The following ASTN2 variants were observed in gnomAD, a reference collection of about 807,000 sequenced individuals.
The protein encoded by ASTN2 is astrotactin 2.
A neutral mutation model predicts 139.8 loss-of-function variants in ASTN2; 54 were observed. The ratio of observed to expected loss-of-function variants is 0.39; its 90% CI spans 0.31 to 0.48. ASTN2 has a LOEUF of 0.48. ASTN2 is among the 20% of genes least tolerant of loss of function. The pLI, the probability that ASTN2 is intolerant of heterozygous loss-of-function variation, is 0.95. For synonymous variants in ASTN2, 756 were observed against 719.5 expected, an observed-to-expected ratio of 1.05 and a Z score of -0.81; for missense variants, 1,565 against 1,725.1, an observed-to-expected ratio of 0.91 and a Z score of 1.64.
intron 3 of ASTN2, among the ~76,000 whole-genome samples, chr9:117,165,653 C>T (rs1830654404): frequency 6.6e-6 from 1 of 152,086 alleles, no homozygotes; most frequent in African/African-American, 2.4e-5. Flanking sequence ...CCACACAAAC[C>T]CTTAGCCCAG....
At chr9:116,559,177 G>C (rs1403412361) in intron 19 of ASTN2, among the ~76,000 whole-genome samples, 1 of 152,150 alleles carries the variant, frequency 6.6e-6, no homozygotes, top group Non-Finnish European at 1.5e-5. Context: ...TGTGTTAAAT[G>C]TTGCAATCAG....
intron 1 of ASTN2, among the ~76,000 whole-genome samples, chr9:117,377,877 A>C (rs1342217525): frequency 6.6e-6 from 1 of 152,206 alleles, no homozygotes; most frequent in African/African-American, 2.4e-5. Flanking sequence ...ATGATTCTGT[A>C]TTGGAGGAAA....
chr9:116,670,862 T>C (rs564963663), intron 16 of ASTN2, among the ~76,000 whole-genome samples: 20 of 152,270 alleles, frequency 1.3e-4, no homozygotes, highest in African/African-American at 4.6e-4. Context: ...TGACTATCCA[T>C]ACTAGTTCAA....
At chr9:116,724,559 CT>C (rs1471590575) in intron 16 of ASTN2, among the ~76,000 whole-genome samples, 5 of 152,094 alleles carry the variant, frequency 3.3e-5, no homozygotes, top group African/African-American at 9.7e-5. Context: ...GGTCTTGGCC[CT>C]GCCAAGCAAA....
At position 116,424,941 on chromosome 9, in the gene ASTN2, T is replaced by C. The variant is rs9299239; in HGVS notation, c.*910A>G. ...GTCTGGCTTATTTCTACTCATCCTT[T>C]GGGTTTAGGTATCACTTTTTCAAGG... On this transcript the variant is annotated 3_prime_UTR_variant, in exon 23 of 23. Transcript: ENST00000313400. Among the ~76,000 whole-genome samples the C allele has an allele frequency of 0.2, 30,762 of 151,986 alleles. 3,182 individuals carry two copies. Among genetic ancestry groups the C allele is most frequent in the Middle Eastern group, 0.26 (75 of 292 alleles).
intron 19 of ASTN2, among the ~76,000 whole-genome samples, chr9:116,516,099 C>A (rs1850637125): frequency 6.6e-6 from 1 of 152,140 alleles, no homozygotes; most frequent in Non-Finnish European, 1.5e-5. Flanking sequence ...AATACGATTT[C>A]TTGAACAGGA....
At position 117,404,112 on chromosome 9, in the gene ASTN2, T is replaced by G. The variant is rs1830915425; in HGVS notation, c.442+10385A>C. Among the ~76,000 whole-genome samples the G allele has an allele frequency of 3.9e-5, 6 of 152,138 alleles. No individual in the cohort carries two copies. In the South Asian group the frequency reaches 8.3e-4, roughly 21 times the overall value. On this transcript the variant is annotated intron_variant, in intron 1 of 22. Coordinates refer to ENST00000313400, the MANE Select transcript of ASTN2 (RefSeq NM_001365068.1). ...CGCTAGGTGCTTTGCACACACTATC[T>G]CCATAAGGATCACACAGCTTAGTGT...
intron 3 of ASTN2, chr9:117,180,962 C>A (rs763016288): frequency 1.0e-4 from 166 of 1,597,706 alleles, no homozygotes; most frequent in Non-Finnish European, 1.4e-4. Context: ...CCAATGTGAA[C>A]CCTGGTCACA....
intron 3 of ASTN2, among the ~76,000 whole-genome samples, chr9:117,147,509 G>A (rs930500620): frequency 2.6e-5 from 4 of 151,766 alleles, no homozygotes; most frequent in South Asian, 2.1e-4. Flanking sequence ...CACCCAGGAC[G>A]TTCCACCGAT....
intron 13 of ASTN2, among the ~76,000 whole-genome samples, chr9:116,804,853 T>A (rs190672036): frequency 6.2e-4 from 94 of 152,204 alleles, no homozygotes; most frequent in Non-Finnish European, 2.6e-4. Context: ...TGTGTGTGTG[T>A]GTGAGTGTGT....
intron 1 of ASTN2, among the ~76,000 whole-genome samples, chr9:117,351,864 T>A (rs939565456): frequency 6.6e-6 from 1 of 152,116 alleles, no homozygotes; most frequent in Non-Finnish European, 1.5e-5. Context: ...CCAGAGAGAT[T>A]CTAGTCCTGC....
At chr9:117,210,062 T>A (rs1006666421) in intron 3 of ASTN2, among the ~76,000 whole-genome samples, 1 of 152,082 alleles carries the variant, frequency 6.6e-6, no homozygotes, top group African/African-American at 2.4e-5. Flanking sequence ...AAAGCAGTAT[T>A]AAGAGGCAAA....
intron 2 of ASTN2, among the ~76,000 whole-genome samples, chr9:117,236,376 C>T (rs974707121): frequency 7.9e-5 from 12 of 152,038 alleles, no homozygotes; most frequent in African/African-American, 2.2e-4. Flanking sequence ...CATCCCTGGG[C>T]CAGAGGGAGT....
intron 5 of ASTN2, among the ~76,000 whole-genome samples, chr9:117,071,869 TCG>T (rs1828141871): frequency 6.6e-6 from 1 of 152,112 alleles, no homozygotes; most frequent in Admixed American, 6.5e-5. Context: ...CTGCTTCGGC[TCG>T]CGCACCGTGC....
chr9:117,152,718 A>G (rs191063575), intron 3 of ASTN2, among the ~76,000 whole-genome samples: 1 of 152,060 alleles, frequency 6.6e-6, no homozygotes, highest in Non-Finnish European at 1.5e-5. Context: ...GGAGAACCCC[A>G]CTCTCTTACT....
chr9:116,573,006 G>A (rs1045354681), intron 19 of ASTN2, among the ~76,000 whole-genome samples: 1 of 121,140 alleles, frequency 8.3e-6, no homozygotes, highest in Non-Finnish European at 1.7e-5. Flanking sequence ...CACACATGTG[G>A]GTACATGCAC....
chr9:116,753,063 T>C (rs1057182701), intron 13 of ASTN2, among the ~76,000 whole-genome samples: 1 of 152,240 alleles, frequency 6.6e-6, no homozygotes, highest in Admixed American at 6.5e-5. Context: ...ACTCTGCACA[T>C]GTTTATGTGA....
chr9:117,060,595 G>A lies in ASTN2; in HGVS notation c.1277-20630C>T, dbSNP rs563470744. 1.5e-4 allele frequency among the ~76,000 whole-genome samples: 23 copies of A among 151,094 alleles called. 1 individual carries two copies. Among genetic ancestry groups the A allele is most frequent in the Non-Finnish European group, 2.4e-4 (16 of 67,850 alleles). On this transcript the variant is annotated intron_variant, in intron 5 of 22. Transcript: ENST00000313400. ...GGGAGGGAAAGAAGGCAGGAAGGAAGGAAGGAAGGAAGGGCGGGCCAGGGG... is the reference window on the plus strand; with the variant it reads ...GGGAGGGAAAGAAGGCAGGAAGGAAAGAAGGAAGGAAGGGCGGGCCAGGGG...
chr9:117,144,660 G>GTTTTTTTTTTTTTTT (rs71379267), intron 3 of ASTN2, among the ~76,000 whole-genome samples: 6 of 78,350 alleles, frequency 7.7e-5, no homozygotes, highest in African/African-American at 1.8e-4. Context: ...GTGAACACTA[G>GTTTTTTTTTTTTTTT]TTTTTTTTTT....
Sources: allele counts gnomAD v4.1 joint callset (sites outside exome capture counted in the v4.1 genomes callset), GRCh38; gene constraint gnomAD v4.1.1; transcripts MANE v1.5; gene names NCBI Gene and HGNC (gene_info 2026-07-23, HGNC 2026-07-21).